The following MPP7 variants were observed in gnomAD, a reference collection of about 807,000 sequenced individuals.
MPP7 encodes MAGUK p55 scaffold protein 7, also known as MAGUK p55 subfamily member 7.
Under a neutral mutation model 76.5 loss-of-function variants are expected in MPP7, and 60 were observed. The ratio of observed to expected loss-of-function variants is 0.78; its 90% CI spans 0.64 to 0.97. MPP7 has a LOEUF of 0.97. MPP7 is among the 50% of genes least tolerant of loss of function. The pLI is 0.00. For synonymous variants in MPP7, 237 were observed against 244.5 expected, an observed-to-expected ratio of 0.97 and a Z score of 0.29; for missense variants, 641 against 694.0, an observed-to-expected ratio of 0.92 and a Z score of 0.86.
At chr10:28,142,385 A>C (rs1354952055) in intron 5 of MPP7, among the ~76,000 whole-genome samples, 1 of 152,132 alleles carries the variant, frequency 6.6e-6, no homozygotes, top group Non-Finnish European at 1.5e-5. Flanking sequence ...TTTATTCCCT[A>C]TTCTCATGTG....
intron 1 of MPP7, among the ~76,000 whole-genome samples, 156 bp from the exon 2 acceptor site, chr10:28,238,891 A>G (rs900578923): frequency 1.3e-5 from 2 of 152,214 alleles, no homozygotes; most frequent in African/African-American, 4.8e-5. Flanking sequence ...ACAAACTGTG[A>G]GAGTTTCTGA....
intron 15 of MPP7, 93 bp downstream of exon 15, chr10:28,058,402 T>C: frequency 3.4e-6 from 2 of 591,662 alleles, no homozygotes; most frequent in South Asian, 4.7e-5. Flanking sequence ...CAAAAGTGAG[T>C]TGACTTCATA....
chr10:28,100,047 AT>A (rs1246273386), intron 11 of MPP7, among the ~76,000 whole-genome samples: 1 of 151,512 alleles, frequency 6.6e-6, no homozygotes, highest in East Asian at 1.9e-4. Context: ...CCAAGCAAAT[AT>A]TTAACTGATT....
intron 2 of MPP7, among the ~76,000 whole-genome samples, chr10:28,314,036 T>C (rs1841305772): frequency 6.6e-6 from 1 of 152,106 alleles, no homozygotes; most frequent in Non-Finnish European, 1.5e-5. Context: ...AGAGCTTCCA[T>C]GCTGTTTAGA....
chr10:28,293,088 C>A, intron 1 of MPP7, among the ~76,000 whole-genome samples: 1 of 147,326 alleles, frequency 6.8e-6, no homozygotes. Context: ...TTAAAGATTC[C>A]GTTTAATGAA....
intron 12 of MPP7, among the ~76,000 whole-genome samples, chr10:28,080,430 T>C (rs1564620620): frequency 6.6e-6 from 1 of 152,170 alleles, no homozygotes; most frequent in Non-Finnish European, 1.5e-5. Context: ...CCTGTCTGTG[T>C]CCCCAACTCT....
intron 12 of MPP7, among the ~76,000 whole-genome samples, chr10:28,079,355 A>C (rs1047877910): frequency 6.6e-6 from 1 of 152,096 alleles, no homozygotes; most frequent in African/African-American, 2.4e-5. Flanking sequence ...ACCACAAAAA[A>C]AAAAAGAAAG....
At chr10:28,144,056 T>G (rs1439984567) in intron 5 of MPP7, among the ~76,000 whole-genome samples, 1 of 152,036 alleles carries the variant, frequency 6.6e-6, no homozygotes, top group Admixed American at 6.5e-5. Flanking sequence ...ATACCCGGGA[T>G]TTTTGTATCT....
chr10:28,063,676 C>T (rs962612388), intron 13 of MPP7, among the ~76,000 whole-genome samples: 19 of 151,944 alleles, frequency 1.3e-4, no homozygotes, highest in African/African-American at 4.1e-4. Flanking sequence ...GTGGACTGCA[C>T]GTGTGAGAGA....
chr10:28,286,540 T>C (rs973397078), intron 1 of MPP7, among the ~76,000 whole-genome samples: 9 of 152,106 alleles, frequency 5.9e-5, no homozygotes, highest in African/African-American at 2.2e-4. Flanking sequence ...GACAGATCAC[T>C]GTGAGGAGCC....
At chr10:28,291,040 A>G (rs3936497) in intron 1 of MPP7, among the ~76,000 whole-genome samples, 22,178 of 152,218 alleles carry the variant, frequency 0.15, 2,275 homozygotes, top group East Asian at 0.51. Flanking sequence ...AACAATGTCC[A>G]TGGAGAAGAA....
intron 3 of MPP7, among the ~76,000 whole-genome samples, chr10:28,184,208 A>ATG (rs1564684460): frequency 6.8e-6 from 1 of 147,954 alleles, no homozygotes; most frequent in African/African-American, 2.5e-5. Context: ...ATATATCTTT[A>ATG]TATGTTAAAT....
chr10:28,098,467 T>C (rs1853669620), intron 11 of MPP7, among the ~76,000 whole-genome samples: 1 of 151,812 alleles, frequency 6.6e-6, no homozygotes. Flanking sequence ...TGTGGACAAT[T>C]ACTTGTTCTA....
rs1851464223 is a variant in MPP7, at chr10:28,054,248, C to T, written c.1552-4G>A. 6.5e-7 allele frequency: 1 copy of T among 1,530,352 alleles called. No homozygotes were observed. Among genetic ancestry groups the T allele is most frequent in the Non-Finnish European group, 8.9e-7 (1 of 1,122,854 alleles). The allele number at this position is 1,530,352 out of a possible 1,614,324, so 94.8% of individuals were successfully genotyped here. The stretch of plus-strand genomic sequence containing the variant: ...TCATTTCTTGAAAATCTTCTTCCTA[C>T]AAAAGGAAGTATTAAAAAAATAATT... On this transcript the variant is annotated splice_region_variant and splice_polypyrimidine_tract_variant and intron_variant, in intron 16 of 16. Transcript: ENST00000683449.
chr10:28,169,930 A>G (rs1249790193), intron 3 of MPP7, among the ~76,000 whole-genome samples: 3 of 152,280 alleles, frequency 2.0e-5, no homozygotes, highest in African/African-American at 4.8e-5. Flanking sequence ...TTATCTTGCA[A>G]CGGTGACTAG....
At chr10:28,124,685 G>A (rs199815463) in intron 7 of MPP7, among the ~76,000 whole-genome samples, 8 of 150,146 alleles carry the variant, frequency 5.3e-5, no homozygotes, top group South Asian at 4.2e-4. Context: ...GGGTTTCACC[G>A]TGTTAGCCAG....
chr10:28,128,408 A>G (rs1564646519), intron 6 of MPP7, among the ~76,000 whole-genome samples: 1 of 152,158 alleles, frequency 6.6e-6, no homozygotes, highest in Non-Finnish European at 1.5e-5. Flanking sequence ...AAAATGTTTC[A>G]GATTTTGGCA....
chr10:28,230,455 AG>A (rs1394529410), intron 2 of MPP7, among the ~76,000 whole-genome samples: 3 of 152,176 alleles, frequency 2.0e-5, no homozygotes, highest in African/African-American at 7.2e-5. Context: ...AGAAAAAAAA[AG>A]TATATACTTC....
chr10:28,196,533 GC>G (rs1358752532), intron 3 of MPP7, among the ~76,000 whole-genome samples: 1 of 150,778 alleles, frequency 6.6e-6, no homozygotes, highest in African/African-American at 2.4e-5. Flanking sequence ...ATTTGATTAT[GC>G]CCCAGATATC....
Sources: allele counts gnomAD v4.1 joint callset (sites outside exome capture counted in the v4.1 genomes callset), GRCh38; gene constraint gnomAD v4.1.1; transcripts MANE v1.5; gene names NCBI Gene and HGNC (gene_info 2026-07-23, HGNC 2026-07-21).